Variants in PTPRZ1 observed in about 807,000 individuals in gnomAD.
PTPRZ1 encodes receptor-type tyrosine-protein phosphatase zeta.
In PTPRZ1, 82 loss-of-function variants were observed where a neutral mutation model predicts 214.1. The ratio of observed to expected loss-of-function variants is 0.38; its 90% CI spans 0.32 to 0.46. The LOEUF is 0.46. Ranked by LOEUF, PTPRZ1 falls within the 20% of genes least tolerant of loss-of-function variation. The probability of loss-of-function intolerance (pLI) is 1.00; values close to 1 mark genes in which losing one functional copy is unlikely to be tolerated. For synonymous variants in PTPRZ1, 945 were observed against 987.9 expected (o/e 0.96, Z 0.81); for missense variants, 2,603 against 2,748.7 (o/e 0.95, Z 1.19).
chr7:122,026,589 C>A (rs1365344482), intron 13 of PTPRZ1, among the ~76,000 whole-genome samples: 1 of 152,116 alleles, frequency 6.6e-6, no homozygotes, highest in African/African-American at 2.4e-5. Context: ...CATCAGTCTA[C>A]CATACTCTCC....
At chr7:121,939,007 C>G (rs1384953832) in intron 2 of PTPRZ1, among the ~76,000 whole-genome samples, 1 of 152,174 alleles carries the variant, frequency 6.6e-6, no homozygotes, top group Non-Finnish European at 1.5e-5. Context: ...AAAACTTTGA[C>G]TATCCATGTG....
chr7:121,967,818 G>T, intron 2 of PTPRZ1, 133 bp from the exon 3 acceptor site: 1 of 610,048 alleles, frequency 1.6e-6, no homozygotes, highest in Non-Finnish European at 2.8e-6. Context: ...ATTATTTCAT[G>T]CATTAGTTCA....
At chr7:121,979,267 GGA>G (rs150379120) in intron 6 of PTPRZ1, among the ~76,000 whole-genome samples, 3 of 151,538 alleles carry the variant, frequency 2.0e-5, no homozygotes, top group Admixed American at 6.6e-5. Flanking sequence ...TCCATGGAGT[GGA>G]GAGAGAGAGA....
chr7:122,019,044 G>A, intron 12 of PTPRZ1, 80 bp from the exon 13 acceptor site: 1 of 1,339,328 alleles, frequency 7.5e-7, no homozygotes, highest in South Asian at 1.4e-5. Flanking sequence ...AGCAATGAAG[G>A]TTGCAATTAA....
chr7:121,935,544 T>TTTGTTTG (rs1563025623), intron 2 of PTPRZ1, among the ~76,000 whole-genome samples: 11 of 131,090 alleles, frequency 8.4e-5, no homozygotes, highest in East Asian at 5.0e-4. Flanking sequence ...TTGGGGTTTT[T>TTTGTTTG]TTTGTTTGTT....
Position 122,038,888 on chromosome 7 carries a change from G to C in PTPRZ1, c.5501G>C (p.Arg1834Thr). The change falls in exon 19 of 30, where the codon AGG (arginine) becomes ACG (threonine). Residue 1834 changes from arginine to threonine, a missense_variant and splice_region_variant. By Grantham distance (71) the Arg-to-Thr change is moderately conservative. Coordinates refer to ENST00000393386, the MANE Select transcript of PTPRZ1 (RefSeq NM_002851.3). ...VMITNLVEKG[R>T]RKCDQYWPAD... ...ATAACAAACCTCGTGGAGAAAGGAA[G>C]GGTATGTAGATAATCTGTTATGTCA... 1 of 1,613,698 alleles carries C rather than the reference G, an allele frequency of 6.2e-7. No homozygotes were observed. Among genetic ancestry groups the C allele is most frequent in the Non-Finnish European group, 8.5e-7 (1 of 1,179,784 alleles).
At chr7:121,959,557 G>A (rs1008851022) in intron 2 of PTPRZ1, among the ~76,000 whole-genome samples, 2 of 152,128 alleles carry the variant, frequency 1.3e-5, no homozygotes, top group African/African-American at 4.8e-5. Context: ...TTATGTGATG[G>A]CATTTATCAT....
intron 4 of PTPRZ1, among the ~76,000 whole-genome samples, chr7:121,974,009 G>A (rs942674629): frequency 6.7e-6 from 1 of 150,222 alleles, no homozygotes; most frequent in African/African-American, 2.4e-5. Flanking sequence ...TTTTCTCTGG[G>A]TGATGGCATT....
At chr7:121,906,417 A>T (rs1355589595) in intron 1 of PTPRZ1, among the ~76,000 whole-genome samples, 2 of 152,182 alleles carry the variant, frequency 1.3e-5, no homozygotes, top group African/African-American at 4.8e-5. Flanking sequence ...CTTCTTACTA[A>T]TGTACTAAAG....
At chr7:121,979,379 A>G (rs1210926374) in intron 6 of PTPRZ1, among the ~76,000 whole-genome samples, 2 of 152,326 alleles carry the variant, frequency 1.3e-5, no homozygotes, top group South Asian at 2.1e-4. Context: ...GGGAAGAGAC[A>G]CATCCCAGGT....
At chr7:121,912,629 C>T (rs149743768) in intron 1 of PTPRZ1, among the ~76,000 whole-genome samples, 95 of 152,188 alleles carry the variant, frequency 6.2e-4, no homozygotes, top group African/African-American at 2.1e-3. Context: ...AAGTATGTTA[C>T]AGGGGCTTAA....
At chr7:121,937,497 G>A (rs1476065482) in intron 2 of PTPRZ1, among the ~76,000 whole-genome samples, 3 of 149,564 alleles carry the variant, frequency 2.0e-5, no homozygotes, top group Non-Finnish European at 3.0e-5. Flanking sequence ...GCTTTGTCCT[G>A]GAAACAACAG....
chr7:121,907,057 C>T (rs1208355322), intron 1 of PTPRZ1, among the ~76,000 whole-genome samples: 1 of 152,068 alleles, frequency 6.6e-6, no homozygotes, highest in African/African-American at 2.4e-5. Flanking sequence ...AATATTTTAT[C>T]TCTATTTGTT....
At chr7:122,044,142 C>A (rs776924221) in intron 22 of PTPRZ1, among the ~76,000 whole-genome samples, 1 of 152,146 alleles carries the variant, frequency 6.6e-6, no homozygotes, top group Non-Finnish European at 1.5e-5. Flanking sequence ...GCAGAGAGGA[C>A]ATTCCTTTGC....
At chr7:121,989,091 TAAC>T (rs1470439757) in intron 8 of PTPRZ1, among the ~76,000 whole-genome samples, 5 of 152,350 alleles carry the variant, frequency 3.3e-5, no homozygotes, top group Non-Finnish European at 5.9e-5. Context: ...TTATTGTACT[TAAC>T]AATAATGAAC....
At chr7:121,927,721 G>C (rs978243728) in intron 1 of PTPRZ1, among the ~76,000 whole-genome samples, 2 of 152,016 alleles carry the variant, frequency 1.3e-5, no homozygotes, top group Admixed American at 1.3e-4. Flanking sequence ...ATAAACTCTG[G>C]GTACACTAGA....
intron 1 of PTPRZ1, among the ~76,000 whole-genome samples, chr7:121,897,552 G>C (rs368311978): frequency 6.6e-6 from 1 of 152,106 alleles, no homozygotes; most frequent in Non-Finnish European, 1.5e-5. Flanking sequence ...GATGCTATCT[G>C]GTTGGTTAGT....
chr7:122,053,924 C>T lies in PTPRZ1; in HGVS notation c.6267C>T (p.Ser2089=). Residue 2089 remains serine, a synonymous_variant, in exon 26 of 30, where the codon AGC becomes AGT. Transcript: ENST00000393386. ...TGGTTTTGTAGGGCTATTACCAGAG[C>T]AATGAATTCATCATTACCCAGCACC... The part of the protein sequence containing the change: ...NASYIMGYYQ[S]NEFIITQHPL... The T allele has an allele frequency of 6.2e-7, 1 of 1,612,944 alleles. No individual in the cohort carries two copies. The highest frequency in any genetic ancestry group is 8.5e-7 in the Non-Finnish European group (1 of 1,179,216).
intron 13 of PTPRZ1, among the ~76,000 whole-genome samples, chr7:122,027,275 G>A (rs140049719): frequency 2.1e-3 from 319 of 152,246 alleles, no homozygotes; most frequent in Non-Finnish European, 3.7e-3. Context: ...GACCAGTGTG[G>A]GCTGGATCCT....
Sources: gnomAD v4.1 joint callset for allele counts (sites outside exome capture counted in the v4.1 genomes callset) on GRCh38, gnomAD v4.1.1 for gene constraint, MANE v1.5 for transcripts, NCBI Gene and HGNC (gene_info 2026-07-23, HGNC 2026-07-21) for gene names.